The following GABRR1 variants were observed in gnomAD, a reference collection of about 807,000 sequenced individuals.
The protein encoded by GABRR1 is gamma-aminobutyric acid receptor subunit rho-1.
GABRR1 carries 59 observed loss-of-function variants against 55.5 expected under a neutral mutation model. The observed-to-expected ratio is 1.06, with a 90% CI of 0.86 to 1.32. The LOEUF (loss-of-function observed/expected upper bound fraction) is 1.32. Ranked by LOEUF, GABRR1 falls within the 40% of genes most tolerant of loss-of-function variation. The probability of loss-of-function intolerance (pLI) is 0.00; values close to 1 mark genes in which losing one functional copy is unlikely to be tolerated. For missense variants in GABRR1, 602 were observed against 619.1 expected (o/e 0.97, Z 0.29); for synonymous variants, 213 against 226.0 (o/e 0.94, Z 0.51).
At chr6:89,201,778 CAAA>C (rs56035443) in intron 2 of GABRR1, among the ~76,000 whole-genome samples, 331 of 134,326 alleles carry the variant, frequency 2.5e-3, no homozygotes, top group Middle Eastern at 3.9e-3. Flanking sequence ...GACCCCGTCT[CAAA>C]AAAAAAAAAA....
At chr6:89,201,601 A>C (rs1267338788) in intron 2 of GABRR1, among the ~76,000 whole-genome samples, 2 of 152,082 alleles carry the variant, frequency 1.3e-5, no homozygotes, top group Admixed American at 6.5e-5. Context: ...AACACGGTGA[A>C]ACCCCATCTC....
intron 1 of GABRR1, among the ~76,000 whole-genome samples, chr6:89,222,375 A>G (rs2127811348): frequency 6.6e-6 from 1 of 152,304 alleles, no homozygotes; most frequent in East Asian, 1.9e-4. Context: ...CTGTAAACCC[A>G]CTTTGTGGGG....
At chr6:89,191,251 C>T (rs768244078) in intron 5 of GABRR1, among the ~76,000 whole-genome samples, 14 of 152,076 alleles carry the variant, frequency 9.2e-5, no homozygotes, top group Non-Finnish European at 1.6e-4. Context: ...TCTTATGTCT[C>T]CTGGAAATCC....
At chr6:89,196,861 A>AAGAT (rs1159575102) in intron 5 of GABRR1, among the ~76,000 whole-genome samples, 1 of 131,078 alleles carries the variant, frequency 7.6e-6, no homozygotes, top group Non-Finnish European at 1.7e-5. Context: ...GAAAGAAAGA[A>AAGAT]AGAAAGAAAG....
chr6:89,227,909 T>A (rs2127813387), intron 1 of GABRR1, among the ~76,000 whole-genome samples: 1 of 97,190 alleles, frequency 1.0e-5, no homozygotes, highest in African/African-American at 4.2e-5. Flanking sequence ...TCTTTTTGGT[T>A]GGTAAACTAT....
intron 5 of GABRR1, among the ~76,000 whole-genome samples, chr6:89,194,189 T>C (rs1772188076): frequency 6.6e-6 from 1 of 151,950 alleles, no homozygotes; most frequent in Admixed American, 6.6e-5. Flanking sequence ...CAAATCAGAG[T>C]GGCTGTTCAG....
rs762092301 is a variant in GABRR1 at position 89,182,013 on chromosome 6, T to C, written c.841A>G (p.Ile281Val). 35 of 1,614,032 alleles carry C rather than the reference T, an allele frequency of 2.2e-5. No homozygotes were observed. In the South Asian group the frequency reaches 3.2e-4, roughly 15 times the overall value. ...LYINFTLRRH[I>V]FFFLLQTYFP... Reference sequence around the variant, plus strand: ...TAAGTTTGGAGCAAGAAGAAGAAGATGTGGCGACGCAACGTGAAATTAATG... The same window carrying C: ...TAAGTTTGGAGCAAGAAGAAGAAGACGTGGCGACGCAACGTGAAATTAATG... Residue 281 changes from isoleucine to valine, a missense_variant, in exon 8 of 10, where the codon ATC becomes GTC. By Grantham distance (29) the Ile-to-Val change is conservative (BLOSUM62 3). Transcript: ENST00000454853.
At chr6:89,230,657 T>C (rs1773270002) in intron 1 of GABRR1, among the ~76,000 whole-genome samples, 1 of 151,438 alleles carries the variant, frequency 6.6e-6, no homozygotes, top group African/African-American at 2.4e-5. Context: ...GAACCACTGC[T>C]CTCTTCAAAG....
Position 89,230,621 on chromosome 6 carries a change from C to G in GABRR1, c.-411+595G>C, listed in dbSNP as rs796868667. Among the ~76,000 whole-genome samples, 32 of 152,176 alleles carry G rather than the reference C, an allele frequency of 2.1e-4. No homozygotes were observed. The South Asian group carries it at 6.7e-3, about 32-fold the overall frequency. ...CGCTTGAGGAGGCAGTCTGCCGGTTCTCAGATCTCCAGCTGCGTGCTGGGA... is the reference window on the plus strand; with the variant it reads ...CGCTTGAGGAGGCAGTCTGCCGGTTGTCAGATCTCCAGCTGCGTGCTGGGA... On this transcript the variant is annotated intron_variant, in intron 1 of 11. Coordinates refer to the GABRR1 transcript ENST00000369451.
chr6:89,179,014 C>T lies in GABRR1; in HGVS notation c.1196G>A (p.Gly399Asp), dbSNP rs776799073. 7 of 1,614,042 alleles carry T rather than the reference C, an allele frequency of 4.3e-6. No homozygotes were observed. Among genetic ancestry groups the T allele is most frequent in the Admixed American group, 3.3e-5 (2 of 60,006 alleles). Residue 399 changes from glycine to aspartate, a missense_variant, in exon 10 of 10, where the codon GGC (glycine) becomes GAC (aspartate). Around this residue, in one of 3 missense-constraint regions of GABRR1, gnomAD observed 139 missense variants for 141.1 expected, o/e 0.99. Transcript: ENST00000454853. ...ATTCACCTCCCCATCACTGTAGTTG[C>T]CGTCCAGCATCGCAGTGCGGGGCGG... ...LPPPRTAMLD[G>D]NYSDGEVNDL...
At chr6:89,201,886 T>C (rs1772486403) in intron 2 of GABRR1, among the ~76,000 whole-genome samples, 1 of 152,128 alleles carries the variant, frequency 6.6e-6, no homozygotes, top group Admixed American at 6.6e-5. Context: ...ATGATTTTAA[T>C]GTGTAACCAA....
chr6:89,185,289 C>T, intron 7 of GABRR1, 21 bp downstream of exon 7: 1 of 1,612,998 alleles, frequency 6.2e-7, no homozygotes, highest in Non-Finnish European at 8.5e-7. Context: ...CCCTGACTCT[C>T]AGCCCTCACT....
At chr6:89,189,138 C>T (rs1167467992) in intron 6 of GABRR1, among the ~76,000 whole-genome samples, 2 of 152,066 alleles carry the variant, frequency 1.3e-5, no homozygotes, top group Non-Finnish European at 2.9e-5. Context: ...CAAGCAGTTA[C>T]CCTGATTCAA....
chr6:89,181,986 A>T lies in GABRR1; in HGVS notation c.868T>A (p.Phe290Ile). 6.2e-7 allele frequency: 1 copy of T among 1,614,126 alleles called. No individual in the cohort carries two copies. The highest frequency in any genetic ancestry group is 8.5e-7 in the Non-Finnish European group (1 of 1,180,004). ...AGCATGACCATCAGGGTAGCGGGGA[A>T]ATAAGTTTGGAGCAAGAAGAAGAAG... ...HIFFFLLQTYFPATLMVMLSW... is the reference protein window; with the variant it reads ...HIFFFLLQTYIPATLMVMLSW... Residue 290 changes from phenylalanine (F) to isoleucine (I), a missense_variant, in exon 8 of 10, where the codon TTC becomes ATC. Phe to Ile is a conservative substitution (Grantham distance 21). Transcript: ENST00000454853.
chr6:89,230,637 C>A (rs995501179), intron 1 of GABRR1, among the ~76,000 whole-genome samples: 2 of 151,666 alleles, frequency 1.3e-5, no homozygotes, highest in African/African-American at 4.8e-5. Context: ...TCTCCAGCTG[C>A]GTGCTGGGAG....
rs1196309553 is a variant in GABRR1 at position 89,178,943 on chromosome 6, T to A, written c.1267A>T (p.Met423Leu). Residue 423 changes from methionine to leucine, a missense_variant, in exon 10 of 10, where the codon ATG (methionine) becomes TTG (leucine). Physicochemically the swap from Met to Leu is conservative, Grantham distance 15 (BLOSUM62 2). This residue lies in a region of GABRR1 where 139 missense variants were observed against 141.1 expected (regional missense o/e 0.99). Transcript: ENST00000454853. ...GAGGCCAGGGTCAGCTGCACCATCA[T>A]CCTGTCGGGCTTCTCTCCATTCTCT... is the stretch of plus-strand genomic sequence containing the variant. ...MPENGEKPDRMMVQLTLASER... is the reference protein window; with the variant it reads ...MPENGEKPDRLMVQLTLASER... 1.9e-6 allele frequency: 3 copies of A among 1,614,210 alleles called. No individual in the cohort carries two copies. Among genetic ancestry groups the A allele is most frequent in the Non-Finnish European group, 2.5e-6 (3 of 1,180,030 alleles).
intron 1 of GABRR1, among the ~76,000 whole-genome samples, chr6:89,230,737 A>C (rs1194319221): frequency 1.3e-5 from 2 of 151,820 alleles, no homozygotes; most frequent in Non-Finnish European, 2.9e-5. Context: ...CCCTGCCCCC[A>C]GAGGTGGAGC....
At chr6:89,213,444 A>G (rs56340415) in intron 1 of GABRR1, among the ~76,000 whole-genome samples, 31,614 of 152,188 alleles carry the variant, frequency 0.21, 3,689 homozygotes, top group African/African-American at 0.3. Context: ...TTGCCCGCAT[A>G]TATCTGGAGC....
chr6:89,197,775 CTTGT>C (rs1283185687), intron 5 of GABRR1, among the ~76,000 whole-genome samples: 6 of 152,176 alleles, frequency 3.9e-5, no homozygotes, highest in Non-Finnish European at 8.8e-5. Context: ...GAGAAATAAA[CTTGT>C]TTGTTATTGA....
Sources: gnomAD v4.1 joint callset for allele counts (sites outside exome capture counted in the v4.1 genomes callset) on GRCh38, gnomAD v4.1.1 for gene constraint, gnomAD v4.1.1 regional missense constraint, MANE v1.5 for transcripts, NCBI Gene and HGNC (gene_info 2026-07-23, HGNC 2026-07-21) for gene names.